KLHL29: variants seen among roughly 807,000 people sequenced by gnomAD.
The protein encoded by KLHL29 is kelch-like protein 29.
KLHL29 carries 21 observed loss-of-function variants against 80.4 expected under a neutral mutation model. The ratio of observed to expected loss-of-function variants is 0.26; its 90% CI spans 0.19 to 0.38. The LOEUF (loss-of-function observed/expected upper bound fraction) is 0.38. KLHL29 is among the 10% of genes least tolerant of loss of function. The pLI, the probability that KLHL29 is intolerant of heterozygous loss-of-function variation, is 1.00. For synonymous variants in KLHL29, 511 were observed against 526.8 expected (o/e 0.97, Z 0.41); for missense variants, 867 against 1,223.9 (o/e 0.71, Z 4.35).
chr2:23,447,648 A>T (rs1663738312), intron 1 of KLHL29, among the ~76,000 whole-genome samples: 1 of 152,084 alleles, frequency 6.6e-6, no homozygotes, highest in Non-Finnish European at 1.5e-5. Flanking sequence ...CAGTGTCTAA[A>T]CCGTTATTGT....
At chr2:23,561,428 G>A (rs1333287659) in intron 2 of KLHL29, among the ~76,000 whole-genome samples, 4 of 152,180 alleles carry the variant, frequency 2.6e-5, no homozygotes, top group African/African-American at 7.2e-5. Flanking sequence ...GGTTAACAGA[G>A]GCCAGGGTAC....
At chr2:23,482,454 C>T (rs1664822291) in intron 2 of KLHL29, among the ~76,000 whole-genome samples, 1 of 152,228 alleles carries the variant, frequency 6.6e-6, no homozygotes, top group Non-Finnish European at 1.5e-5. Context: ...AGCCTGTGCT[C>T]TGGGAGTGTC....
chr2:23,400,089 CT>C (rs1287587460), intron 1 of KLHL29, among the ~76,000 whole-genome samples: 3 of 152,078 alleles, frequency 2.0e-5, no homozygotes, highest in African/African-American at 7.3e-5. Flanking sequence ...GGGGGTTTTG[CT>C]TTTTTGGTGA....
At chr2:23,500,041 A>C (rs144049223) in intron 2 of KLHL29, among the ~76,000 whole-genome samples, 1 of 152,170 alleles carries the variant, frequency 6.6e-6, no homozygotes, top group Non-Finnish European at 1.5e-5. Context: ...ATTGGTACCA[A>C]CTGTACAGCA....
At chr2:23,569,856 G>C (rs1667675089) in intron 3 of KLHL29, among the ~76,000 whole-genome samples, 1 of 152,176 alleles carries the variant, frequency 6.6e-6, no homozygotes, top group Non-Finnish European at 1.5e-5. Context: ...CCCTATCCTT[G>C]TTCTTCTTAC....
intron 13 of KLHL29, among the ~76,000 whole-genome samples, chr2:23,705,899 G>A (rs1245210000): frequency 6.6e-6 from 1 of 152,154 alleles, no homozygotes; most frequent in Non-Finnish European, 1.5e-5. Context: ...GAGACAACAG[G>A]AGCAAGCCAG....
At chr2:23,391,225 A>G (rs1366071383) in intron 1 of KLHL29, among the ~76,000 whole-genome samples, 1 of 152,242 alleles carries the variant, frequency 6.6e-6, no homozygotes, top group Non-Finnish European at 1.5e-5. Context: ...GGCATGGGAC[A>G]GGCTTTCCTT....
chr2:23,562,441 C>A lies in KLHL29; in HGVS notation c.245C>A (p.Thr82Asn), dbSNP rs1453297060. ...ACCACCGGCAGCAGCGAGGCCATCA[C>A]CAGCCTCGTGGCCAGCTCTGCGTCT... The part of the protein sequence containing the change: ...PCTTGSSEAI[T>N]SLVASSASAV... The change falls in exon 3 of 14, where the codon ACC becomes AAC. Residue 82 changes from threonine to asparagine, a missense_variant. Coordinates refer to ENST00000486442, the MANE Select transcript of KLHL29 (RefSeq NM_052920.2). The surrounding 1 kb of genome is among the most constrained non-coding windows in gnomAD (Gnocchi z 4.5). The A allele has an allele frequency of 7.2e-6, 11 of 1,536,850 alleles. No homozygotes were observed. The highest frequency in any genetic ancestry group is 9.6e-6 in the Non-Finnish European group (11 of 1,146,782).
chr2:23,500,204 G>A (rs191627656), intron 2 of KLHL29, among the ~76,000 whole-genome samples: 63 of 152,284 alleles, frequency 4.1e-4, no homozygotes, highest in Admixed American at 3.8e-3. Flanking sequence ...TGGTGCGTTC[G>A]TGTCAAACAC....
At chr2:23,445,789 A>G (rs1558341143) in intron 1 of KLHL29, among the ~76,000 whole-genome samples, 1 of 152,226 alleles carries the variant, frequency 6.6e-6, no homozygotes, top group African/African-American at 2.4e-5. Flanking sequence ...CTCTTTGCCA[A>G]TATGATGAAT....
intron 2 of KLHL29, among the ~76,000 whole-genome samples, chr2:23,556,480 A>AC (rs1466133808): frequency 6.6e-6 from 1 of 151,728 alleles, no homozygotes; most frequent in African/African-American, 2.4e-5. Flanking sequence ...TTCTACCAAA[A>AC]AAAAAACAAA....
At chr2:23,685,870 C>G (rs1268786104) in intron 6 of KLHL29, among the ~76,000 whole-genome samples, 1 of 152,286 alleles carries the variant, frequency 6.6e-6, no homozygotes, top group East Asian at 1.9e-4. Flanking sequence ...CATGGATGAG[C>G]GTCCTAGGGT....
chr2:23,479,968 C>T (rs1325348798), intron 2 of KLHL29, among the ~76,000 whole-genome samples: 3 of 152,222 alleles, frequency 2.0e-5, no homozygotes, highest in African/African-American at 7.2e-5. Flanking sequence ...AGCGTGGTGG[C>T]AGGGAACCTG....
At position 23,596,174 on chromosome 2, in the gene KLHL29, G is replaced by A. The variant is rs1169719324; in HGVS notation, c.285+33693G>A. Among the ~76,000 whole-genome samples, 1 of 152,244 alleles carries A rather than the reference G, an allele frequency of 6.6e-6. No homozygotes were observed. ...CCTCGGCAGCCAGCCGGACGGGCAGGCCGGGGGCGGGGCAGGGCAACAGCC... is the reference window on the plus strand; with the variant it reads ...CCTCGGCAGCCAGCCGGACGGGCAGACCGGGGGCGGGGCAGGGCAACAGCC... On this transcript the variant is annotated intron_variant, in intron 3 of 13. Coordinates refer to ENST00000486442, the MANE Select transcript of KLHL29 (RefSeq NM_052920.2). This position sits in a 1 kb window ranked among gnomAD's most constrained non-coding sequence, Gnocchi z 4.4.
At chr2:23,387,303 C>A (rs1666210045) in intron 1 of KLHL29, among the ~76,000 whole-genome samples, 1 of 152,210 alleles carries the variant, frequency 6.6e-6, no homozygotes, top group African/African-American at 2.4e-5. Flanking sequence ...GGGATTCGGA[C>A]TCCTCTTGCA....
chr2:23,480,944 A>T (rs1308035476), intron 2 of KLHL29, among the ~76,000 whole-genome samples: 1 of 152,148 alleles, frequency 6.6e-6, no homozygotes, highest in Non-Finnish European at 1.5e-5. Flanking sequence ...GGTGTCTCTG[A>T]TTCCACCACA....
intron 5 of KLHL29, among the ~76,000 whole-genome samples, chr2:23,661,790 G>A (rs898676651): frequency 1.3e-5 from 2 of 152,202 alleles, no homozygotes; most frequent in African/African-American, 4.8e-5. Flanking sequence ...TGGGAGCTCT[G>A]GAGCCAACTG....
chr2:23,547,432 C>G (rs906279573), intron 2 of KLHL29, among the ~76,000 whole-genome samples: 4 of 151,980 alleles, frequency 2.6e-5, no homozygotes, highest in Non-Finnish European at 4.4e-5. Flanking sequence ...GCTTTGTGGC[C>G]CCACAGGTCA....
At chr2:23,659,877 T>C (rs921511801) in intron 5 of KLHL29, among the ~76,000 whole-genome samples, 29 of 151,772 alleles carry the variant, frequency 1.9e-4, no homozygotes, top group Admixed American at 1.7e-3. Flanking sequence ...CCAGCCTCCA[T>C]GGTCAGAGCA....
Sources: allele counts gnomAD v4.1 joint callset (sites outside exome capture counted in the v4.1 genomes callset), GRCh38; gene constraint gnomAD v4.1.1; non-coding constraint Gnocchi (gnomAD v3.1); transcripts MANE v1.5; gene names NCBI Gene and HGNC (gene_info 2026-07-23, HGNC 2026-07-21).